The following GABRG3 variants were observed in gnomAD, a reference collection of about 807,000 sequenced individuals.
GABRG3 encodes the protein gamma-aminobutyric acid type A receptor subunit gamma3, also known as gamma-aminobutyric acid receptor subunit gamma-3.
In GABRG3, 25 loss-of-function variants were observed where a neutral mutation model predicts 48.8. That is an observed-to-expected ratio of 0.51 (90% CI 0.37 to 0.72). GABRG3 has a LOEUF of 0.72. GABRG3 is among the 30% of genes least tolerant of loss of function. The pLI is 0.00. For missense variants in GABRG3, 394 were observed against 577.9 expected, an observed-to-expected ratio of 0.68 and a Z score of 3.26; for synonymous variants, 227 against 217.6, an observed-to-expected ratio of 1.04 and a Z score of -0.38.
intron 5 of GABRG3, among the ~76,000 whole-genome samples, chr15:27,341,784 A>G (rs1894188805): frequency 6.6e-6 from 1 of 152,178 alleles, no homozygotes. Context: ...AAAGACACTC[A>G]GGCCATGGAG....
intron 2 of GABRG3, among the ~76,000 whole-genome samples, chr15:27,019,125 G>A (rs1268974565): frequency 1.6e-5 from 2 of 123,400 alleles, no homozygotes; most frequent in Non-Finnish European, 3.2e-5. Flanking sequence ...CTGGAGTGCT[G>A]TGGTGCGATC....
intron 3 of GABRG3, among the ~76,000 whole-genome samples, chr15:27,099,183 T>A (rs1897314806): frequency 1.3e-5 from 2 of 152,164 alleles, no homozygotes; most frequent in Admixed American, 1.3e-4. Context: ...ATGAGGACAG[T>A]AAAAGGACCT....
chr15:27,334,576 G>C (rs1202494005), intron 5 of GABRG3, among the ~76,000 whole-genome samples: 1 of 152,156 alleles, frequency 6.6e-6, no homozygotes, highest in Non-Finnish European at 1.5e-5. Context: ...GCATGGCACT[G>C]CTGCTGTTAG....
chr15:27,167,240 T>C (rs1000169383), intron 3 of GABRG3, among the ~76,000 whole-genome samples: 2 of 152,196 alleles, frequency 1.3e-5, no homozygotes, highest in East Asian at 1.9e-4. Flanking sequence ...CCTGATTCTT[T>C]TCCTCTCTTT....
In GABRG3 at chr15:26,977,002, G is replaced by A; in HGVS notation, c.54G>A (p.Arg18=). The A allele has an allele frequency of 6.2e-7, 1 of 1,613,820 alleles. No homozygotes were observed. Among genetic ancestry groups the A allele is most frequent in the Non-Finnish European group, 8.5e-7 (1 of 1,179,874 alleles). ...TCGCATTTTTGTGCTGTAACTCCAG[G>A]TCCAGAAAGGTGGAAGAGGATGAAT... ...LLCLFSGLHA[R]SRKVEEDEYE... The change falls in exon 2 of 10, where the codon CGG becomes CGA. Residue 18 remains arginine, a splice_region_variant and synonymous_variant. Transcript: ENST00000615808.
At chr15:27,455,877 T>C (rs763568514) in intron 5 of GABRG3, among the ~76,000 whole-genome samples, 1 of 152,122 alleles carries the variant, frequency 6.6e-6, no homozygotes, top group East Asian at 1.9e-4. Flanking sequence ...TGAAGGTGCT[T>C]TGCCTCCAAT....
At chr15:27,307,522 G>C (rs1161205031) in intron 3 of GABRG3, among the ~76,000 whole-genome samples, 1 of 82,280 alleles carries the variant, frequency 1.2e-5, no homozygotes. Flanking sequence ...TAGGTTTATA[G>C]GTTTATATAT....
chr15:27,060,273 T>C (rs1896622313), intron 3 of GABRG3, among the ~76,000 whole-genome samples: 1 of 152,252 alleles, frequency 6.6e-6, no homozygotes, highest in Non-Finnish European at 1.5e-5. Flanking sequence ...TGGCACCTAT[T>C]TGAATGCAGC....
chr15:27,262,631 A>G (rs188265297), intron 3 of GABRG3, among the ~76,000 whole-genome samples: 31 of 151,760 alleles, frequency 2.0e-4, no homozygotes, highest in Admixed American at 1.8e-3. Flanking sequence ...GTCTTCGACT[A>G]TTGGAGAACT....
At chr15:27,358,329 T>C (rs1214557047) in intron 5 of GABRG3, among the ~76,000 whole-genome samples, 3 of 152,148 alleles carry the variant, frequency 2.0e-5, no homozygotes, top group African/African-American at 7.2e-5. Flanking sequence ...TTAAGGATAA[T>C]TATGGATGAA....
At chr15:27,281,124 T>C (rs1891418966) in intron 3 of GABRG3, among the ~76,000 whole-genome samples, 1 of 152,206 alleles carries the variant, frequency 6.6e-6, no homozygotes. Flanking sequence ...CTTTATCTTA[T>C]GCTTTTCTGT....
intron 2 of GABRG3, among the ~76,000 whole-genome samples, chr15:26,992,205 A>G (rs965774470): frequency 2.6e-5 from 4 of 152,084 alleles, no homozygotes; most frequent in Non-Finnish European, 4.4e-5. Flanking sequence ...TTCTTTTCCA[A>G]TTTGGATGTT....
chr15:26,971,409 C>G lies in GABRG3; in HGVS notation c.-127C>G. 2 of 720,092 alleles carry G rather than the reference C, an allele frequency of 2.8e-6. No individual in the cohort carries two copies. The highest frequency in any genetic ancestry group is 1.9e-5 in the African/African-American group (1 of 53,498). The allele number at this position is 720,092 out of a possible 1,614,324, so 44.6% of individuals were successfully genotyped here. ...GCCAGCGCCAGAGTAGATACCTGTC[C>G]CGCCCGCCGCGGCCAGCAGCCTCGG... On this transcript the variant is annotated 5_prime_UTR_variant, in exon 1 of 10. Transcript: ENST00000615808.
At chr15:27,347,277 G>A (rs1894406118) in intron 5 of GABRG3, among the ~76,000 whole-genome samples, 1 of 152,324 alleles carries the variant, frequency 6.6e-6, no homozygotes, top group African/African-American at 2.4e-5. Flanking sequence ...GGCTGTGATG[G>A]TTTAGGGTGG....
intron 5 of GABRG3, among the ~76,000 whole-genome samples, chr15:27,462,601 T>C (rs947216216): frequency 6.6e-6 from 1 of 152,226 alleles, no homozygotes; most frequent in African/African-American, 2.4e-5. Flanking sequence ...CTAATTAAAA[T>C]TGTAAGTTGA....
At chr15:27,493,979 C>T (rs1292332694) in intron 6 of GABRG3, among the ~76,000 whole-genome samples, 1 of 152,124 alleles carries the variant, frequency 6.6e-6, no homozygotes, top group Non-Finnish European at 1.5e-5. Context: ...TATCAGGAAG[C>T]TGTGGTTATT....
chr15:27,163,100 C>T (rs1455337869), intron 3 of GABRG3, among the ~76,000 whole-genome samples: 2 of 152,006 alleles, frequency 1.3e-5, no homozygotes, highest in Non-Finnish European at 2.9e-5. Flanking sequence ...TCAGCTCCCC[C>T]GACCCACCTG....
At chr15:27,017,063 T>C (rs1247112278) in intron 2 of GABRG3, among the ~76,000 whole-genome samples, 1 of 152,194 alleles carries the variant, frequency 6.6e-6, no homozygotes, top group African/African-American at 2.4e-5. Flanking sequence ...GACAGTTATT[T>C]TGAATTATTT....
intron 3 of GABRG3, among the ~76,000 whole-genome samples, chr15:27,127,584 C>A (rs773247454): frequency 6.6e-6 from 1 of 152,068 alleles, no homozygotes; most frequent in Non-Finnish European, 1.5e-5. Context: ...CTGCACTTCA[C>A]GGTGGAGGGA....
Sources: allele counts gnomAD v4.1 joint callset (sites outside exome capture counted in the v4.1 genomes callset), GRCh38; gene constraint gnomAD v4.1.1; transcripts MANE v1.5; gene names NCBI Gene and HGNC (gene_info 2026-07-23, HGNC 2026-07-21).